Variants in LRRTM4 observed in about 807,000 individuals in gnomAD.
LRRTM4 encodes leucine-rich repeat transmembrane neuronal protein 4.
Under a neutral mutation model 47.6 loss-of-function variants are expected in LRRTM4, and 25 were observed. The ratio of observed to expected loss-of-function variants is 0.53; its 90% CI spans 0.38 to 0.73. The LOEUF (loss-of-function observed/expected upper bound fraction) is 0.73, where lower values mean the gene tolerates loss of function less well. Ranked by LOEUF, LRRTM4 falls within the 30% of genes least tolerant of loss-of-function variation. The probability of loss-of-function intolerance (pLI) is 0.00; values close to 1 mark genes in which losing one functional copy is unlikely to be tolerated. For missense variants in LRRTM4, 638 were observed against 713.4 expected, an observed-to-expected ratio of 0.89 and a Z score of 1.20; for synonymous variants, 311 against 269.5, an observed-to-expected ratio of 1.15 and a Z score of -1.51.
intron 3 of LRRTM4, among the ~76,000 whole-genome samples, chr2:77,142,203 G>C (rs1227817856): frequency 6.6e-6 from 1 of 152,084 alleles, no homozygotes. Flanking sequence ...TAACTCCCTT[G>C]AATGTATTAG....
intron 3 of LRRTM4, among the ~76,000 whole-genome samples, chr2:76,764,664 A>G (rs1033945127): frequency 1.3e-5 from 2 of 152,272 alleles, no homozygotes; most frequent in Middle Eastern, 3.4e-3. Context: ...AAAAAATTAT[A>G]TAAACTGAAA....
At chr2:77,117,855 ATTTC>A (rs1163771389) in intron 3 of LRRTM4, among the ~76,000 whole-genome samples, 2 of 151,892 alleles carry the variant, frequency 1.3e-5, no homozygotes, top group East Asian at 3.9e-4. Context: ...CTGCTTTAAG[ATTTC>A]AATAGTTCAT....
At chr2:76,851,001 G>C (rs1671976500) in intron 3 of LRRTM4, among the ~76,000 whole-genome samples, 1 of 152,176 alleles carries the variant, frequency 6.6e-6, no homozygotes, top group African/African-American at 2.4e-5. Context: ...AGCTCCGATT[G>C]ATTTTGGCTA....
chr2:77,411,663 G>T (rs1484682854), intron 3 of LRRTM4, among the ~76,000 whole-genome samples: 2 of 129,932 alleles, frequency 1.5e-5, no homozygotes, highest in African/African-American at 2.8e-5. Flanking sequence ...GTAGAGACGG[G>T]TTTTCACTGT....
chr2:77,134,949 T>C (rs761483967), intron 3 of LRRTM4, among the ~76,000 whole-genome samples: 5 of 151,802 alleles, frequency 3.3e-5, no homozygotes, highest in East Asian at 1.9e-4. Flanking sequence ...ATTTTAGTTA[T>C]TTAGAAAGAG....
intron 3 of LRRTM4, among the ~76,000 whole-genome samples, chr2:76,783,673 G>GTAAAACTCAGGTTACTGAATTTA (rs1234162043): frequency 1.3e-5 from 2 of 152,114 alleles, no homozygotes; most frequent in African/African-American, 2.4e-5. Flanking sequence ...CTAATTCCGG[G>GTAAAACTCAGGTTACTGAATTTA]TAAAACTCAG....
chr2:77,472,529 T>C (rs1677230622), intron 3 of LRRTM4, among the ~76,000 whole-genome samples: 2 of 152,028 alleles, frequency 1.3e-5, no homozygotes, highest in East Asian at 1.9e-4. Flanking sequence ...TTTTTTTTTT[T>C]CATCATTATA....
intron 3 of LRRTM4, among the ~76,000 whole-genome samples, chr2:77,321,478 T>G (rs1677786782): frequency 6.7e-6 from 1 of 148,562 alleles, no homozygotes; most frequent in Admixed American, 6.9e-5. Flanking sequence ...CAAACTGAAG[T>G]GTTTTAACTT....
intron 3 of LRRTM4, among the ~76,000 whole-genome samples, chr2:77,038,166 G>T (rs55788766): frequency 0.068 from 10,270 of 151,544 alleles, 781 homozygotes; most frequent in African/African-American, 0.18. Flanking sequence ...TAGAAAAATT[G>T]CAAGGACTAA....
chr2:76,756,684 T>C lies in LRRTM4; in HGVS notation c.1552-7768A>G, dbSNP rs1517777. Among the ~76,000 whole-genome samples the C allele has an allele frequency of 4.3e-3, 654 of 152,194 alleles. 3 individuals carry two copies. The highest frequency in any genetic ancestry group is 0.015 in the African/African-American group (632 of 41,554). ...TGGTTCATTCATCAAACCAAACCTCTCTTTAAATGGAGGCCCATGCAATCT... is the reference window on the plus strand; with the variant it reads ...TGGTTCATTCATCAAACCAAACCTCCCTTTAAATGGAGGCCCATGCAATCT... On this transcript the variant is annotated intron_variant, in intron 3 of 3. Coordinates refer to ENST00000409884, the MANE Select transcript of LRRTM4 (RefSeq NM_001134745.3).
rs146117835 is a variant in LRRTM4, at chr2:77,238,720, A to C, written c.1551+279598T>G. On this transcript the variant is annotated intron_variant, in intron 3 of 3. Coordinates refer to ENST00000409884, the MANE Select transcript of LRRTM4 (RefSeq NM_001134745.3). ...GATAGCCATCCAGAAAAACACATAT[A>C]CAGACAGAAGAGCAAATGTAAGAAT... Among the ~76,000 whole-genome samples, 1,047 of 152,222 alleles carry C rather than the reference A, an allele frequency of 6.9e-3. 9 individuals carry two copies. Among genetic ancestry groups the C allele is most frequent in the Non-Finnish European group, 0.012 (827 of 67,990 alleles).
intron 3 of LRRTM4, among the ~76,000 whole-genome samples, chr2:76,813,010 A>C (rs1243371477): frequency 2.6e-5 from 4 of 152,038 alleles, no homozygotes; most frequent in African/African-American, 7.2e-5. Flanking sequence ...CTAAAAATAC[A>C]AAAAATTAGC....
At chr2:77,170,840 T>TTATATATA (rs150252583) in intron 3 of LRRTM4, among the ~76,000 whole-genome samples, 47 of 149,248 alleles carry the variant, frequency 3.1e-4, no homozygotes, top group African/African-American at 8.8e-4. Context: ...GTATAAAACC[T>TTATATATA]TATATATATA....
chr2:77,340,250 C>T (rs933170478), intron 3 of LRRTM4, among the ~76,000 whole-genome samples: 1 of 151,656 alleles, frequency 6.6e-6, no homozygotes, highest in African/African-American at 2.4e-5. Context: ...TGGTTGAGAA[C>T]CTGGCTTAAG....
At chr2:77,268,324 T>G (rs1676106173) in intron 3 of LRRTM4, among the ~76,000 whole-genome samples, 1 of 152,130 alleles carries the variant, frequency 6.6e-6, no homozygotes. Flanking sequence ...ATAGCAACAC[T>G]AAGTTGCAGA....
chr2:77,497,657 A>G (rs954931847), intron 3 of LRRTM4, among the ~76,000 whole-genome samples: 2 of 151,118 alleles, frequency 1.3e-5, no homozygotes, highest in Non-Finnish European at 1.5e-5. Flanking sequence ...ATATACACAT[A>G]TATCTGTGTA....
chr2:76,789,955 C>T (rs760763439), intron 3 of LRRTM4, among the ~76,000 whole-genome samples: 88 of 152,248 alleles, frequency 5.8e-4, no homozygotes, highest in East Asian at 3.9e-4. Context: ...CCCAGGACAA[C>T]GGGTTGCTTG....
At chr2:77,254,710 G>C (rs1481214285) in intron 3 of LRRTM4, among the ~76,000 whole-genome samples, 2 of 151,862 alleles carry the variant, frequency 1.3e-5, no homozygotes, top group Admixed American at 1.3e-4. Flanking sequence ...CTTCAGTTGA[G>C]CTATTAAAAT....
intron 3 of LRRTM4, among the ~76,000 whole-genome samples, chr2:76,970,481 A>G (rs916025863): frequency 2.6e-5 from 4 of 151,994 alleles, no homozygotes; most frequent in East Asian, 1.9e-4. Flanking sequence ...ATGCTATTGA[A>G]TAAGTTATAT....
Sources: gnomAD v4.1 joint callset for allele counts (sites outside exome capture counted in the v4.1 genomes callset) on GRCh38, gnomAD v4.1.1 for gene constraint, MANE v1.5 for transcripts, NCBI Gene and HGNC (gene_info 2026-07-23, HGNC 2026-07-21) for gene names.